Variants in M1AP observed in about 807,000 individuals in gnomAD.
M1AP encodes the protein meiosis 1 associated protein, also known as meiosis 1 arrest protein.
In M1AP, 39 loss-of-function variants were observed where a neutral mutation model predicts 51.2. That is an observed-to-expected ratio of 0.76 (90% CI 0.59 to 1.00). M1AP has a LOEUF of 1.00. M1AP is among the 50% of genes least tolerant of loss of function. The pLI is 0.00. For synonymous variants in M1AP, 251 were observed against 249.2 expected (o/e 1.01, Z -0.07); for missense variants, 545 against 641.2 (o/e 0.85, Z 1.62).
intron 8 of M1AP, chr2:74,561,855 T>C: frequency 1.0e-6 from 1 of 981,700 alleles, no homozygotes; most frequent in Non-Finnish European, 1.2e-6. Flanking sequence ...TCTGTGATGC[T>C]CCCTTTTCTC....
At chr2:74,612,129 G>C (rs1681401408) in intron 3 of M1AP, among the ~76,000 whole-genome samples, 1 of 151,726 alleles carries the variant, frequency 6.6e-6, no homozygotes, top group African/African-American at 2.4e-5. Flanking sequence ...CTGACCTCGT[G>C]ATCTACCCGC....
intron 4 of M1AP, among the ~76,000 whole-genome samples, chr2:74,596,402 G>A (rs775376079): frequency 2.6e-5 from 4 of 152,154 alleles, no homozygotes; most frequent in Non-Finnish European, 5.9e-5. Context: ...CTAACATGGT[G>A]AAACCCTGTC....
In M1AP at chr2:74,562,254, G is replaced by A; in HGVS notation, c.1244C>T (p.Pro415Leu). ...LMLPSTFPLL[P>L]EDPHDDSLKN... is the part of the protein sequence containing the mutation. ...AAGGCTATCATCATGTGGGTCCTCAGGTAGCAGGGGGAAGGTGCTGGGCAG... is the reference window on the plus strand; with the variant it reads ...AAGGCTATCATCATGTGGGTCCTCAAGTAGCAGGGGGAAGGTGCTGGGCAG... Residue 415 changes from proline (P) to leucine (L), a missense_variant, in exon 8 of 11, where the codon CCT becomes CTT. Pro to Leu is a moderately conservative substitution (Grantham distance 98). Transcript: ENST00000421985. The A allele has an allele frequency of 1.2e-6, 2 of 1,614,004 alleles. No individual in the cohort carries two copies. Among genetic ancestry groups the A allele is most frequent in the Non-Finnish European group, 1.7e-6 (2 of 1,179,902 alleles).
chr2:74,563,287 C>G lies in M1AP; in HGVS notation c.1075-864G>C, dbSNP rs1299409242. Among the ~76,000 whole-genome samples, 3 of 151,918 alleles carry G rather than the reference C, an allele frequency of 2.0e-5. No individual in the cohort carries two copies. The East Asian group carries it at 5.8e-4, about 29-fold the overall frequency. ...GATAGAGAGAAGGCAGTGAAAGCAGCCTGCAAAGTGGGAGGAGAAAGAGAG... is the reference window on the plus strand; with the variant it reads ...GATAGAGAGAAGGCAGTGAAAGCAGGCTGCAAAGTGGGAGGAGAAAGAGAG... On this transcript the variant is annotated intron_variant, in intron 7 of 10. Transcript: ENST00000421985.
At chr2:74,610,701 G>C (rs1455948814) in intron 3 of M1AP, among the ~76,000 whole-genome samples, 1 of 152,008 alleles carries the variant, frequency 6.6e-6, no homozygotes, top group Non-Finnish European at 1.5e-5. Context: ...CTCTTACCTT[G>C]GCTCCCAAAG....
intron 5 of M1AP, among the ~76,000 whole-genome samples, chr2:74,579,790 T>A (rs535932453): frequency 1.0e-3 from 152 of 151,682 alleles, no homozygotes; most frequent in South Asian, 2.9e-3. Context: ...TTCTTTTTTT[T>A]AAAAAAAAAT....
At chr2:74,569,133 T>C (rs1212508317) in intron 7 of M1AP, among the ~76,000 whole-genome samples, 2 of 152,152 alleles carry the variant, frequency 1.3e-5, no homozygotes, top group African/African-American at 2.4e-5. Context: ...TTTAAGAAAT[T>C]AGATGAAAAT....
At chr2:74,630,787 G>A (rs1354075649) in intron 2 of M1AP, among the ~76,000 whole-genome samples, 4 of 152,088 alleles carry the variant, frequency 2.6e-5, no homozygotes. Flanking sequence ...TAGTGCTGCA[G>A]TAAACACATG....
At chr2:74,582,666 T>C (rs938744769) in intron 4 of M1AP, among the ~76,000 whole-genome samples, 2 of 152,192 alleles carry the variant, frequency 1.3e-5, no homozygotes, top group African/African-American at 2.4e-5. Context: ...TACTTTCCCT[T>C]TTTACTCTTC....
intron 7 of M1AP, among the ~76,000 whole-genome samples, chr2:74,563,020 T>C (rs1407694458): frequency 6.6e-6 from 1 of 152,118 alleles, no homozygotes; most frequent in Non-Finnish European, 1.5e-5. Context: ...TAAAGTCTGG[T>C]TGTTTGCTAA....
chr2:74,631,002 T>C (rs556806891), intron 2 of M1AP, among the ~76,000 whole-genome samples: 2 of 152,270 alleles, frequency 1.3e-5, no homozygotes, highest in African/African-American at 4.8e-5. Flanking sequence ...TTGTCTGCAA[T>C]TGATCGTAAT....
Position 74,616,004 on chromosome 2 carries a change from C to T in M1AP, c.241-855G>A, listed in dbSNP as rs1203974436. 2.6e-5 allele frequency among the ~76,000 whole-genome samples: 4 copies of T among 152,186 alleles called. No individual in the cohort carries two copies. The East Asian group carries it at 7.7e-4, about 29-fold the overall frequency. ...CATGAGCTGTAAACCTGCCAGAATA[C>T]AAAGACTGCTTAAGTCAACACCTTC... On this transcript the variant is annotated intron_variant, in intron 2 of 10. Coordinates refer to ENST00000421985, the MANE Select transcript of M1AP (RefSeq NM_001321739.2).
At chr2:74,577,110 G>A (rs1679121660) in intron 5 of M1AP, among the ~76,000 whole-genome samples, 1 of 152,206 alleles carries the variant, frequency 6.6e-6, no homozygotes, top group African/African-American at 2.4e-5. Context: ...CAGAAGTCAG[G>A]CAGTCAGATG....
chr2:74,590,826 T>C (rs984738555), intron 4 of M1AP, among the ~76,000 whole-genome samples: 1 of 152,202 alleles, frequency 6.6e-6, no homozygotes, highest in Non-Finnish European at 1.5e-5. Context: ...AGGGTATACC[T>C]GCCTCTGGCA....
At chr2:74,572,914 G>GT (rs1258512917) in intron 7 of M1AP, among the ~76,000 whole-genome samples, 4 of 152,200 alleles carry the variant, frequency 2.6e-5, no homozygotes, top group African/African-American at 9.7e-5. Flanking sequence ...GCATACAGTG[G>GT]TGAGTAAATA....
chr2:74,563,285 A>G (rs1678153776), intron 7 of M1AP, among the ~76,000 whole-genome samples: 1 of 152,170 alleles, frequency 6.6e-6, no homozygotes, highest in African/African-American at 2.4e-5. Flanking sequence ...CAGTGAAAGC[A>G]GCCTGCAAAG....
intron 2 of M1AP, among the ~76,000 whole-genome samples, chr2:74,622,435 G>A (rs531260174): frequency 2.3e-4 from 35 of 151,622 alleles, no homozygotes; most frequent in South Asian, 1.5e-3. Flanking sequence ...ACGGGGTTTC[G>A]CCATGTTGGG....
intron 7 of M1AP, among the ~76,000 whole-genome samples, chr2:74,571,997 C>CAA (rs1207829899): frequency 4.0e-4 from 29 of 72,944 alleles, no homozygotes; most frequent in African/African-American, 1.1e-3. Flanking sequence ...AACTCCGTCT[C>CAA]AAAAAAAAAA....
At chr2:74,600,981 T>C (rs1276122653) in intron 4 of M1AP, among the ~76,000 whole-genome samples, 1 of 152,142 alleles carries the variant, frequency 6.6e-6, no homozygotes. Context: ...TATCAGTAGA[T>C]GACATTTATT....
Sources: gnomAD v4.1 joint callset for allele counts (sites outside exome capture counted in the v4.1 genomes callset) on GRCh38, gnomAD v4.1.1 for gene constraint, MANE v1.5 for transcripts, NCBI Gene and HGNC (gene_info 2026-07-23, HGNC 2026-07-21) for gene names.